The following TRPC4 variants were observed in gnomAD, a reference collection of about 807,000 sequenced individuals.
TRPC4 encodes the protein short transient receptor potential channel 4.
A neutral mutation model predicts 99.4 loss-of-function variants in TRPC4; 49 were observed. That is an observed-to-expected ratio of 0.49 (90% CI 0.39 to 0.63). The LOEUF is 0.63. Among genes scored for constraint, TRPC4 ranks in the 20% least tolerant of loss-of-function variants. The pLI is 0.00. For synonymous variants in TRPC4, 454 were observed against 425.9 expected (o/e 1.07, Z -0.81); for missense variants, 898 against 1,152.9 (o/e 0.78, Z 3.20).
intron 2 of TRPC4, among the ~76,000 whole-genome samples, chr13:37,766,599 G>C (rs1320350985): frequency 6.6e-6 from 1 of 151,430 alleles, no homozygotes; most frequent in African/African-American, 2.4e-5. Context: ...TCATGAATGA[G>C]GAATAGCAAA....
chr13:37,712,587 T>C (rs1047842149), intron 3 of TRPC4, among the ~76,000 whole-genome samples: 2 of 152,182 alleles, frequency 1.3e-5, no homozygotes, highest in South Asian at 2.1e-4. Context: ...TAGCATATTT[T>C]TGAATAGGAA....
In TRPC4 at chr13:37,823,045, G is replaced by GT. The variant is rs1358183674; in HGVS notation, c.-27-39686dup. Among the ~76,000 whole-genome samples, 7 of 150,554 alleles carry GT rather than the reference G, an allele frequency of 4.6e-5. No individual in the cohort carries two copies. The East Asian group carries it at 1.2e-3, about 25-fold the overall frequency. On this transcript the variant is annotated intron_variant, in intron 1 of 10. Transcript: ENST00000379705. ...AGTGATGATGAGCATTTTTTCATGT[G>GT]TTTTTTGGCTGCATAAATGTCTTCT...
At chr13:37,853,862 T>A (rs117590346) in intron 1 of TRPC4, among the ~76,000 whole-genome samples, 3 of 151,688 alleles carry the variant, frequency 2.0e-5, no homozygotes. Flanking sequence ...GACAGGCTAT[T>A]TGAAAATACA....
chr13:37,801,019 A>AT (rs1402763353), intron 1 of TRPC4, among the ~76,000 whole-genome samples: 1 of 152,140 alleles, frequency 6.6e-6, no homozygotes, highest in Non-Finnish European at 1.5e-5. Flanking sequence ...TAAGGCATTA[A>AT]TTTTAAAATA....
At chr13:37,713,204 A>G (rs1954541328) in intron 3 of TRPC4, among the ~76,000 whole-genome samples, 1 of 152,192 alleles carries the variant, frequency 6.6e-6, no homozygotes, top group Admixed American at 6.5e-5. Context: ...GTGAGGGAGA[A>G]GAGTTTTGGG....
At chr13:37,778,606 C>T (rs1956766047) in intron 2 of TRPC4, among the ~76,000 whole-genome samples, 1 of 151,934 alleles carries the variant, frequency 6.6e-6, no homozygotes, top group African/African-American at 2.4e-5. Flanking sequence ...CTCCAAGAAT[C>T]CTCCCAATTA....
intron 5 of TRPC4, among the ~76,000 whole-genome samples, chr13:37,665,151 T>G (rs1952597760): frequency 6.6e-6 from 1 of 152,226 alleles, no homozygotes; most frequent in Admixed American, 6.5e-5. Context: ...TTAGTCTCGC[T>G]ATGTATGATG....
At chr13:37,783,737 A>G (rs554869826) in intron 1 of TRPC4, among the ~76,000 whole-genome samples, 1 of 152,328 alleles carries the variant, frequency 6.6e-6, no homozygotes, top group South Asian at 2.1e-4. Flanking sequence ...TCTCAAAACT[A>G]GACCAAGGAT....
At chr13:37,744,246 A>G (rs996338439) in intron 3 of TRPC4, among the ~76,000 whole-genome samples, 2 of 152,198 alleles carry the variant, frequency 1.3e-5, no homozygotes, top group African/African-American at 4.8e-5. Context: ...CAATATTTCA[A>G]TATCTTTCAA....
At chr13:37,665,243 G>A (rs534774308) in intron 5 of TRPC4, among the ~76,000 whole-genome samples, 9 of 152,108 alleles carry the variant, frequency 5.9e-5, no homozygotes, top group South Asian at 2.1e-4. Context: ...ATTTAAGTCC[G>A]TAACTATTGA....
At chr13:37,824,783 T>A (rs1386280687) in intron 1 of TRPC4, among the ~76,000 whole-genome samples, 1 of 152,200 alleles carries the variant, frequency 6.6e-6, no homozygotes, top group Non-Finnish European at 1.5e-5. Context: ...GATGCTGGCC[T>A]CATAAAATGA....
In TRPC4 at chr13:37,807,883, C is replaced by A. The variant is rs539000736; in HGVS notation, c.-27-24523G>T. 2.6e-3 allele frequency among the ~76,000 whole-genome samples: 392 copies of A among 152,122 alleles called. 1 individual carries two copies. Among genetic ancestry groups the A allele is most frequent in the Middle Eastern group, 0.014 (4 of 294 alleles). ...CATTAAAGATATAAATTTAGGTTTG[C>A]AAATTGTTAATTTTAAGTGTGATTT... On this transcript the variant is annotated intron_variant, in intron 1 of 10. Transcript: ENST00000379705.
At chr13:37,813,370 C>A (rs1425860950) in intron 1 of TRPC4, among the ~76,000 whole-genome samples, 2 of 150,618 alleles carry the variant, frequency 1.3e-5, no homozygotes, top group Non-Finnish European at 3.0e-5. Context: ...TCAAAGCAAG[C>A]AGAAGAAATA....
At chr13:37,792,230 G>A (rs1957140065) in intron 1 of TRPC4, among the ~76,000 whole-genome samples, 1 of 152,076 alleles carries the variant, frequency 6.6e-6, no homozygotes, top group South Asian at 2.1e-4. Flanking sequence ...GACAGACTCT[G>A]ATGCTAGCAC....
intron 1 of TRPC4, among the ~76,000 whole-genome samples, chr13:37,831,425 C>A (rs1051767220): frequency 6.6e-6 from 1 of 152,066 alleles, no homozygotes; most frequent in Non-Finnish European, 1.5e-5. Flanking sequence ...AATCCTCATA[C>A]GCTGTTGTTG....
chr13:37,817,451 A>C (rs1333680448), intron 1 of TRPC4, among the ~76,000 whole-genome samples: 2 of 152,070 alleles, frequency 1.3e-5, no homozygotes, highest in Non-Finnish European at 2.9e-5. Flanking sequence ...GATATTGCCC[A>C]AAGCAAGTTA....
chr13:37,745,699 T>G (rs967784935), intron 3 of TRPC4, among the ~76,000 whole-genome samples: 1 of 151,786 alleles, frequency 6.6e-6, no homozygotes, highest in African/African-American at 2.4e-5. Context: ...AGTTTTTCCA[T>G]TATACCACAG....
chr13:37,704,523 C>A (rs1566109335), intron 3 of TRPC4, among the ~76,000 whole-genome samples: 1 of 152,036 alleles, frequency 6.6e-6, no homozygotes, highest in Non-Finnish European at 1.5e-5. Context: ...CCCATCTCTA[C>A]TAAAAATACA....
Position 37,692,017 on chromosome 13 carries a change from T to C in TRPC4, c.1216A>G (p.Ile406Val). Residue 406 changes from isoleucine (I) to valine (V), a missense_variant, in exon 4 of 11, where the codon ATA (isoleucine) becomes GTA (valine). This residue lies in a region of TRPC4 where 274 missense variants were observed against 454.9 expected (regional missense o/e 0.60). Coordinates refer to ENST00000379705, the MANE Select transcript of TRPC4 (RefSeq NM_016179.4). ...GPPPTIVEWM[I>V]LPWVLGFIWG... ...CATTTACCCAGGACCCACGGTAATA[T>C]CATCCACTCGACGATGGTTGGTGGT... The C allele has an allele frequency of 1.2e-6, 2 of 1,613,646 alleles. No homozygotes were observed. The highest frequency in any genetic ancestry group is 1.1e-5 in the South Asian group (1 of 91,070).
Sources: allele counts gnomAD v4.1 joint callset (sites outside exome capture counted in the v4.1 genomes callset), GRCh38; gene constraint gnomAD v4.1.1; regional missense constraint gnomAD v4.1.1; transcripts MANE v1.5; gene names NCBI Gene and HGNC (gene_info 2026-07-23, HGNC 2026-07-21).